CORO1B: variants seen among roughly 807,000 people sequenced by gnomAD.
The protein encoded by CORO1B is coronin-1B.
In CORO1B, 30 loss-of-function variants were observed where a neutral mutation model predicts 51.1. That is an observed-to-expected ratio of 0.59 (90% CI 0.44 to 0.80). The LOEUF (loss-of-function observed/expected upper bound fraction) is 0.80. Ranked by LOEUF, CORO1B falls within the 30% of genes least tolerant of loss-of-function variation. The probability of loss-of-function intolerance (pLI) is 0.00; values close to 1 mark genes in which losing one functional copy is unlikely to be tolerated. For missense variants in CORO1B, 648 were observed against 700.4 expected (o/e 0.93, Z 0.84); for synonymous variants, 310 against 289.7 (o/e 1.07, Z -0.71).
At chr11:67,439,077 G>A (rs865783855) in intron 9 of CORO1B, 128 bp from the exon 10 acceptor site, 1 of 1,090,184 alleles carries the variant, frequency 9.2e-7, no homozygotes. Flanking sequence ...CTCAAATCTG[G>A]CCTTTAACTT....
At chr11:67,442,317 C>T in intron 2 of CORO1B, 111 bp downstream of exon 2, 1 of 1,310,878 alleles carries the variant, frequency 7.6e-7, no homozygotes, top group East Asian at 2.4e-5. Flanking sequence ...TGGGTTATAA[C>T]ACCTGCCCAG....
intron 6 of CORO1B, 139 bp downstream of exon 6, chr11:67,440,986 G>T: frequency 7.7e-7 from 1 of 1,299,070 alleles, no homozygotes; most frequent in Non-Finnish European, 1.1e-6. Context: ...AGGAAAGTCT[G>T]ACAGAGTCCT....
Position 67,437,389 on chromosome 11 carries a change from G to A in CORO1B, c.*987C>T, listed in dbSNP as rs1864309304. On this transcript the variant is annotated 3_prime_UTR_variant, in exon 11 of 11. Coordinates refer to ENST00000341356, the MANE Select transcript of CORO1B (RefSeq NM_020441.3). Reference sequence around the variant, plus strand: ...GAAGACCAGGTAAGGGCCTTCCCAGGGCTCCTGACAGGGGCCTGGTCCGGT... The same window carrying A: ...GAAGACCAGGTAAGGGCCTTCCCAGAGCTCCTGACAGGGGCCTGGTCCGGT... 4.7e-6 allele frequency: 2 copies of A among 425,730 alleles called. No individual in the cohort carries two copies. The highest frequency in any genetic ancestry group is 2.0e-5 in the African/African-American group (1 of 48,942). 26.4% of individuals were successfully genotyped at this position (425,730 alleles called of 1,614,324 possible).
chr11:67,441,003 T>G, intron 6 of CORO1B, 122 bp downstream of exon 6: 1 of 1,469,322 alleles, frequency 6.8e-7, no homozygotes, highest in Non-Finnish European at 9.4e-7. Flanking sequence ...TCCTAGGCCC[T>G]GAGAGCCTCA....
upstream of CORO1B, chr11:67,443,577 G>T: frequency 1.4e-6 from 1 of 700,192 alleles, no homozygotes; most frequent in Non-Finnish European, 1.8e-6. Flanking sequence ...TGGGCGGGAG[G>T]CTGAGCGGCG....
Position 67,435,848 on chromosome 11 carries a change from G to A in CORO1B, c.*2528C>T, listed in dbSNP as rs914754251. The A allele has an allele frequency of 6.2e-7, 1 of 1,609,340 alleles. No homozygotes were observed. The highest frequency in any genetic ancestry group is 1.7e-5 in the Admixed American group (1 of 59,906). On this transcript the variant is annotated 3_prime_UTR_variant, in exon 11 of 11. Transcript: ENST00000341356. ...CAGCAGGGCCTCAGCACTGCCCCCT[G>A]CGCTCGCTGGTCCTGGGGAGCCGAG...
In CORO1B at chr11:67,438,595, G is replaced by A. The variant is rs932691284; in HGVS notation, c.1344+76C>T. ...CACCACTACCCCAGAGAGGGACAGCGAATGGCTGAAGCCCACACAGCAGGC... is the reference window on the plus strand; with the variant it reads ...CACCACTACCCCAGAGAGGGACAGCAAATGGCTGAAGCCCACACAGCAGGC... On this transcript the variant is annotated intron_variant, in intron 10 of 10. Coordinates refer to ENST00000341356, the MANE Select transcript of CORO1B (RefSeq NM_020441.3). 8 of 1,534,076 alleles carry A rather than the reference G, an allele frequency of 5.2e-6. No individual in the cohort carries two copies. The Admixed American group carries it at 5.7e-5, about 11-fold the overall frequency.
intron 2 of CORO1B, 65 bp downstream of exon 2, chr11:67,442,363 G>A: frequency 6.6e-7 from 1 of 1,513,266 alleles, no homozygotes; most frequent in Non-Finnish European, 9.1e-7. Flanking sequence ...GATTCAAGGT[G>A]TGCAGAAAGG....
Position 67,435,595 on chromosome 11 carries a change from G to A in CORO1B, c.*2781C>T. 1 of 1,329,052 alleles carries A rather than the reference G, an allele frequency of 7.5e-7. No homozygotes were observed. The highest frequency in any genetic ancestry group is 1.0e-6 in the Non-Finnish European group (1 of 991,570). The allele number at this position is 1,329,052 out of a possible 1,614,324, so 82.3% of individuals were successfully genotyped here. A position where few individuals can be genotyped will look rare whatever the true frequency, so the allele number is the denominator to read the frequency against. ...TTCCCGTGGTGAGCGGGGTACACATGGACTTGGGAACTGGTAGGGGGTGAC... is the reference window on the plus strand; with the variant it reads ...TTCCCGTGGTGAGCGGGGTACACATAGACTTGGGAACTGGTAGGGGGTGAC... On this transcript the variant is annotated 3_prime_UTR_variant, in exon 11 of 11. Transcript: ENST00000341356.
rs751508163 is a variant in CORO1B, at chr11:67,441,062, C to T, written c.756+63G>A. On this transcript the variant is annotated intron_variant, in intron 6 of 10. Coordinates refer to ENST00000341356, the MANE Select transcript of CORO1B (RefSeq NM_020441.3). ...ACCACAGGCCTCCCCAGGGTGAACCCTGCCTGCCTGGCCCAGGGTGGGGCC... is the reference window on the plus strand; with the variant it reads ...ACCACAGGCCTCCCCAGGGTGAACCTTGCCTGCCTGGCCCAGGGTGGGGCC... 3.7e-6 allele frequency: 6 copies of T among 1,611,264 alleles called. No homozygotes were observed. In the African/African-American group the frequency reaches 8.0e-5, roughly 21 times the overall value.
chr11:67,442,593 G>A lies in CORO1B; in HGVS notation c.36C>T (p.Phe12=), dbSNP rs763902825. 1.2e-6 allele frequency: 2 copies of A among 1,613,746 alleles called. No individual in the cohort carries two copies. The highest frequency in any genetic ancestry group is 1.7e-6 in the Non-Finnish European group (2 of 1,180,016). Residue 12 remains phenylalanine (F), a synonymous_variant, in exon 2 of 11, where the codon TTC becomes TTT. Transcript: ENST00000341356. ...SFRKVVRQSK[F]RHVFGQPVKN... ...TGACCGGCTGCCCGAACACATGCCG[G>A]AATTTGCTCTGCCGGACCACTTTGC...
At position 67,437,187 on chromosome 11, in the gene CORO1B, G is replaced by A. The variant is rs1012994254; in HGVS notation, c.*1189C>T. The A allele has an allele frequency of 8.6e-4, 139 of 161,886 alleles. No homozygotes were observed. The East Asian group carries it at 0.011, about 13-fold the overall frequency. 10.0% of individuals were successfully genotyped at this position (161,886 alleles called of 1,614,324 possible). On this transcript the variant is annotated 3_prime_UTR_variant, in exon 11 of 11. Coordinates refer to ENST00000341356, the MANE Select transcript of CORO1B (RefSeq NM_020441.3). The stretch of plus-strand genomic sequence containing the variant: ...CTCCCAGTCCCTGAGGGCCACAGGC[G>A]TGCAGGGCCGGGGGCTGGGGGGGGC...
rs1341000788 is a variant in CORO1B at position 67,435,919 on chromosome 11, C to T, written c.*2457G>A. 5 of 1,612,868 alleles carry T rather than the reference C, an allele frequency of 3.1e-6. No homozygotes were observed. Among genetic ancestry groups the T allele is most frequent in the Admixed American group, 3.3e-5 (2 of 59,960 alleles). ...CACTGTCTCTGGCTTCCTCAGCCCG[C>T]ACGGGGACCTGCTCTGGGCTGGACG... On this transcript the variant is annotated 3_prime_UTR_variant, in exon 11 of 11. Transcript: ENST00000341356.
Position 67,440,117 on chromosome 11 carries a change from CCGGGCGATCT to C in CORO1B, c.998_1007del (p.Glu333GlyfsTer15). 1 of 1,608,696 alleles carries C rather than the reference CCGGGCGATCT, an allele frequency of 6.2e-7. No individual in the cohort carries two copies. The highest frequency in any genetic ancestry group is 8.5e-7 in the Non-Finnish European group (1 of 1,177,198). On this transcript the variant is annotated frameshift_variant and splice_region_variant, in exon 8 of 11. Transcript: ENST00000341356. LOFTEE classifies it high-confidence loss of function. ...CCGAGTGGCCTCGGTAGCCCTCTTA[CCGGGCGATCT>C]CGCACTTGCTGACCTCCAGGCCCCG...
rs202024435 is a variant in CORO1B at position 67,441,461 on chromosome 11, G to A, written c.508C>T (p.Arg170Cys). 2.8e-4 allele frequency: 453 copies of A among 1,613,836 alleles called. 2 individuals carry two copies. The highest frequency in any genetic ancestry group is 1.6e-3 in the South Asian group (148 of 91,082). The change falls in exon 5 of 11, where the codon CGC becomes TGC. Residue 170 changes from arginine (R) to cysteine (C), a missense_variant. Physicochemically the swap from Arg to Cys is radical, Grantham distance 180. Transcript: ENST00000341356. Reference protein sequence around the residue: ...WNVGTAEELYRLDSLHPDLIY... With the variant: ...WNVGTAEELYCLDSLHPDLIY... ...AGGTCAGGGTGCAGGCTGTCCAGGC[G>A]GTACAGCTCCTCCGCTGTGCCCACA...
rs1356300791 is a variant in CORO1B at position 67,439,770 on chromosome 11, G to A, written c.1065+16C>T. 13 of 1,579,452 alleles carry A rather than the reference G, an allele frequency of 8.2e-6. No individual in the cohort carries two copies. In the East Asian group the frequency reaches 2.5e-4, roughly 31 times the overall value. On this transcript the variant is annotated intron_variant, in intron 9 of 10. Coordinates refer to ENST00000341356, the MANE Select transcript of CORO1B (RefSeq NM_020441.3). ...TGGAGAAAGGGCCAAGTGAGCCGAG[G>A]GACGGGCGGCCTCACCTTTCTTGGC... is the stretch of plus-strand genomic sequence containing the variant.
In CORO1B at chr11:67,436,364, G is replaced by A; in HGVS notation, c.*2012C>T. The A allele has an allele frequency of 1.4e-6, 2 of 1,444,694 alleles. No individual in the cohort carries two copies. Among genetic ancestry groups the A allele is most frequent in the Middle Eastern group, 2.0e-4 (1 of 4,952 alleles). 89.5% of individuals were successfully genotyped at this position (1,444,694 alleles called of 1,614,324 possible). A position where few individuals can be genotyped will look rare whatever the true frequency, so the allele number is the denominator to read the frequency against. ...GCAGGGCAGAGCCTGTGGGAGACAG[G>A]CAGGGGCTCAGAGGGCTCAGCACCT... is the stretch of plus-strand genomic sequence containing the variant. On this transcript the variant is annotated 3_prime_UTR_variant, in exon 11 of 11. Transcript: ENST00000341356.
rs1864326749 is a variant in CORO1B, at chr11:67,438,287, G to A, written c.*89C>T. On this transcript the variant is annotated 3_prime_UTR_variant, in exon 11 of 11. Transcript: ENST00000341356. ...CCCCTGCGCTGCCTCAGAGGCTCTG[G>A]GCAGCCAGCTAGCCCGGTGCGACCC... is the stretch of plus-strand genomic sequence containing the variant. The A allele has an allele frequency of 1.3e-6, 2 of 1,513,906 alleles. No homozygotes were observed. Among genetic ancestry groups the A allele is most frequent in the Non-Finnish European group, 1.8e-6 (2 of 1,127,144 alleles). The allele number at this position is 1,513,906 out of a possible 1,614,324, so 93.8% of individuals were successfully genotyped here.
At position 67,441,328 on chromosome 11, in the gene CORO1B, C is replaced by T. The variant is rs771042030; in HGVS notation, c.636+5G>A. 4.3e-6 allele frequency: 7 copies of T among 1,613,366 alleles called. No individual in the cohort carries two copies. The highest frequency in any genetic ancestry group is 2.2e-5 in the East Asian group (1 of 44,902). ...CAGCCATCCTTGCCCTCCAGAGCCA[C>T]GTACTGCCACCAGGGTGCCCCGACG... is the stretch of plus-strand genomic sequence containing the variant. On this transcript the variant is annotated splice_donor_5th_base_variant and intron_variant, in intron 5 of 10. Transcript: ENST00000341356.
Sources: gnomAD v4.1 joint callset for allele counts on GRCh38, gnomAD v4.1.1 for gene constraint, MANE v1.5 for transcripts, NCBI Gene and HGNC (gene_info 2026-07-23, HGNC 2026-07-21) for gene names.